The following TULP4 variants were observed in gnomAD, a reference collection of about 807,000 sequenced individuals.
The protein encoded by TULP4 is tubby-related protein 4.
In TULP4, 16 loss-of-function variants were observed where a neutral mutation model predicts 129.0. That is an observed-to-expected ratio of 0.12 (90% confidence interval 0.08 to 0.19). The LOEUF (loss-of-function observed/expected upper bound fraction) is 0.19. Among genes scored for constraint, TULP4 ranks in the 10% least tolerant of loss-of-function variants. The pLI is 1.00. For synonymous variants in TULP4, 998 were observed against 854.0 expected, an observed-to-expected ratio of 1.17 and a Z score of -2.94; for missense variants, 1,842 against 2,059.1, an observed-to-expected ratio of 0.89 and a Z score of 2.04.
chr6:158,287,665 G>A (rs979781108), intron 1 of TULP4, among the ~76,000 whole-genome samples: 6 of 152,180 alleles, frequency 3.9e-5, no homozygotes, highest in African/African-American at 7.2e-5. Context: ...TTATGGAATC[G>A]GTGATGTCGA....
At chr6:158,479,612 A>G in intron 6 of TULP4, 139 bp from the exon 7 acceptor site, 2 of 775,396 alleles carry the variant, frequency 2.6e-6, no homozygotes, top group East Asian at 5.4e-5. Flanking sequence ...TATAGTGTCT[A>G]ACATTCTCTA....
chr6:158,237,882 CTG>C (rs1777748719), intron 1 of TULP4: 4 of 743,426 alleles, frequency 5.4e-6, no homozygotes, highest in Non-Finnish European at 1.0e-5. Context: ...CAGAAATAAA[CTG>C]TGCCAGGGTA....
intron 1 of TULP4, among the ~76,000 whole-genome samples, chr6:158,359,886 GCCTGTCCCTGTGGA>G (rs1047123990): frequency 1.3e-5 from 2 of 152,148 alleles, no homozygotes; most frequent in Admixed American, 6.5e-5. Flanking sequence ...TTTTCTGTGG[GCCTGTCCCTGTGGA>G]CTGGCTTTCT....
intron 2 of TULP4, among the ~76,000 whole-genome samples, chr6:158,420,682 C>T (rs1156798860): frequency 6.6e-6 from 1 of 151,928 alleles, no homozygotes; most frequent in African/African-American, 2.4e-5. Context: ...CGAGGTTTCA[C>T]CATGTTGGCC....
chr6:158,403,895 A>C (rs1341471820), intron 1 of TULP4, among the ~76,000 whole-genome samples: 1 of 152,202 alleles, frequency 6.6e-6, no homozygotes, highest in Non-Finnish European at 1.5e-5. Context: ...TAGGAACTGC[A>C]TCTAGGTTTG....
intron 1 of TULP4, among the ~76,000 whole-genome samples, chr6:158,304,031 TAGAA>T (rs1420424582): frequency 2.0e-5 from 3 of 152,140 alleles, no homozygotes; most frequent in Non-Finnish European, 4.4e-5. Context: ...GAAAATAAGT[TAGAA>T]AGTAGAATAT....
chr6:158,377,224 C>G (rs779340549), intron 1 of TULP4, among the ~76,000 whole-genome samples: 1 of 152,214 alleles, frequency 6.6e-6, no homozygotes, highest in Non-Finnish European at 1.5e-5. Flanking sequence ...CTTACACACA[C>G]AGTAACATCT....
Position 158,502,492 on chromosome 6 carries a change from G to T in TULP4, c.2829G>T (p.Leu943=). ...CTCAGCCCTGCAGCAGTGCCACCCT[G>T]AACCGCCTGACCGTCCCTCGCTACT... ...KVPQPCSSAT[L]NRLTVPRYSI... The change falls in exon 13 of 14, where the codon CTG becomes CTT. Residue 943 remains leucine, a synonymous_variant. Coordinates refer to ENST00000367097, the MANE Select transcript of TULP4 (RefSeq NM_020245.5). 1 of 1,612,922 alleles carries T rather than the reference G, an allele frequency of 6.2e-7. No homozygotes were observed.
chr6:158,264,761 T>C (rs1778420017), intron 1 of TULP4, among the ~76,000 whole-genome samples: 1 of 152,226 alleles, frequency 6.6e-6, no homozygotes, highest in Non-Finnish European at 1.5e-5. Context: ...GCAAACCCTT[T>C]ATCCCATGAG....
intron 1 of TULP4, among the ~76,000 whole-genome samples, chr6:158,305,324 C>CATGT (rs1430223761): frequency 7.1e-6 from 1 of 141,748 alleles, no homozygotes; most frequent in Non-Finnish European, 1.5e-5. Context: ...ATTCTGTGTG[C>CATGT]GTGTGTGTGT....
At chr6:158,263,927 G>A (rs1257384698) in intron 1 of TULP4, among the ~76,000 whole-genome samples, 1 of 151,970 alleles carries the variant, frequency 6.6e-6, no homozygotes, top group Non-Finnish European at 1.5e-5. Context: ...CCTGGGCGTG[G>A]TGGCAGGTGC....
At position 158,501,753 on chromosome 6, in the gene TULP4, C is replaced by T. The variant is rs577929133; in HGVS notation, c.2090C>T (p.Ser697Leu). Residue 697 changes from serine to leucine, a missense_variant, in exon 13 of 14, where the codon TCG becomes TTG. Physicochemically the swap from Ser to Leu is moderately radical, Grantham distance 145. Around this residue, in one of 5 missense-constraint regions of TULP4, gnomAD observed 99 missense variants for 165.1 expected, o/e 0.60. Coordinates refer to ENST00000367097, the MANE Select transcript of TULP4 (RefSeq NM_020245.5). ...VNIPIAPIHS[S>L]AQAMSPTQSI... ...ATCCCTATTGCACCGATCCACAGCT[C>T]GGCTCAGGCTATGTCCCCCACGCAG... The T allele has an allele frequency of 1.1e-5, 18 of 1,614,168 alleles. No homozygotes were observed. The highest frequency in any genetic ancestry group is 3.3e-4 in the Middle Eastern group (2 of 6,062).
At position 158,493,564 on chromosome 6, in the gene TULP4, C is replaced by T. The variant is rs781369415; in HGVS notation, c.1632-9C>T. On this transcript the variant is annotated splice_polypyrimidine_tract_variant and intron_variant, in intron 9 of 13. Coordinates refer to ENST00000367097, the MANE Select transcript of TULP4 (RefSeq NM_020245.5). This position sits in a 1 kb window ranked among gnomAD's most constrained non-coding sequence, Gnocchi z 4.4. The stretch of plus-strand genomic sequence containing the variant: ...GGATGCCTGACCCCTCCTGGCCTTG[C>T]CTCCCCAGGATCAGCATTGAGGCCC... 4.0e-6 allele frequency: 6 copies of T among 1,489,418 alleles called. No individual in the cohort carries two copies. The highest frequency in any genetic ancestry group is 5.4e-6 in the Non-Finnish European group (6 of 1,118,604). 92.3% of individuals were successfully genotyped at this position (1,489,418 alleles called of 1,614,324 possible).
At chr6:158,400,662 G>C (rs937900175) in intron 1 of TULP4, among the ~76,000 whole-genome samples, 7 of 152,062 alleles carry the variant, frequency 4.6e-5, no homozygotes, top group Non-Finnish European at 7.4e-5. Context: ...TGCTTAATTT[G>C]TTTTATTTTC....
intron 1 of TULP4, chr6:158,232,432 T>G (rs1777613707): frequency 7.5e-6 from 1 of 133,800 alleles, no homozygotes. Flanking sequence ...GCGGCGGGCT[T>G]GGTGGGCGCG....
chr6:158,372,163 G>T (rs1197597749), intron 1 of TULP4, among the ~76,000 whole-genome samples: 267 of 10,136 alleles, frequency 0.026, no homozygotes, highest in Middle Eastern at 0.12. Flanking sequence ...CATTCTATCT[G>T]CTTTTTTTTT....
upstream of TULP4, chr6:158,282,239 A>G (rs1778768320): frequency 6.6e-6 from 1 of 152,080 alleles, no homozygotes; most frequent in Non-Finnish European, 1.5e-5. Context: ...CGCTAACCCT[A>G]GTTAATTTTT....
intron 1 of TULP4, among the ~76,000 whole-genome samples, chr6:158,408,272 G>T (rs974497552): frequency 6.6e-6 from 1 of 152,134 alleles, no homozygotes; most frequent in African/African-American, 2.4e-5. Context: ...GGTGTTCCTG[G>T]CCAAGGGTGG....
intron 12 of TULP4, among the ~76,000 whole-genome samples, chr6:158,500,422 G>T (rs1393753748): frequency 6.6e-6 from 1 of 152,238 alleles, no homozygotes; most frequent in African/African-American, 2.4e-5. Flanking sequence ...TGATAAACTA[G>T]CTGGCTTGAT....
Sources: gnomAD v4.1 joint callset for allele counts (sites outside exome capture counted in the v4.1 genomes callset) on GRCh38, gnomAD v4.1.1 for gene constraint, gnomAD v4.1.1 regional missense constraint, Gnocchi (gnomAD v3.1) non-coding constraint, MANE v1.5 for transcripts, NCBI Gene and HGNC (gene_info 2026-07-23, HGNC 2026-07-21) for gene names.